C1QTNF2: variants seen among roughly 807,000 people sequenced by gnomAD.
C1QTNF2 encodes C1q and TNF related 2.
A neutral mutation model predicts 17.4 loss-of-function variants in C1QTNF2; 15 were observed. The observed-to-expected ratio is 0.86, with a 90% CI of 0.58 to 1.33. The LOEUF (loss-of-function observed/expected upper bound fraction) is 1.33, where lower values mean the gene tolerates loss of function less well. C1QTNF2 is among the 40% of genes most tolerant of loss of function. The probability of loss-of-function intolerance (pLI) is 0.00; values close to 1 mark genes in which losing one functional copy is unlikely to be tolerated. For missense variants in C1QTNF2, 381 were observed against 392.3 expected, an observed-to-expected ratio of 0.97 and a Z score of 0.24; for synonymous variants, 154 against 163.3, an observed-to-expected ratio of 0.94 and a Z score of 0.44.
At chr5:160,368,699 C>G (rs1243099796) in intron 1 of C1QTNF2, among the ~76,000 whole-genome samples, 2 of 152,036 alleles carry the variant, frequency 1.3e-5, no homozygotes, top group Non-Finnish European at 2.9e-5. Flanking sequence ...TCTGTTACCC[C>G]ACAGTGAACA....
chr5:160,357,351 A>T lies in C1QTNF2; in HGVS notation c.-9-2331T>A, dbSNP rs77803023. The stretch of plus-strand genomic sequence containing the variant: ...TAGGGAGGGGTAGGCAAAAATAAGG[A>T]TGCAGTTTGATTGTATTTCTGATGT... On this transcript the variant is annotated intron_variant, in intron 1 of 2. Transcript: ENST00000652664. Among the ~76,000 whole-genome samples, 39 of 152,310 alleles carry T rather than the reference A, an allele frequency of 2.6e-4. 2 individuals carry two copies. In the East Asian group the frequency reaches 7.5e-3, roughly 29 times the overall value.
In C1QTNF2 at chr5:160,357,876, A is replaced by T. The variant is rs112172474; in HGVS notation, c.-9-2856T>A. ...CCGGACGAGAGAGAGGGAGAGAGACAGGCAGAAAAGAGAGCCAGCCGGACG... is the reference window on the plus strand; with the variant it reads ...CCGGACGAGAGAGAGGGAGAGAGACTGGCAGAAAAGAGAGCCAGCCGGACG... On this transcript the variant is annotated intron_variant, in intron 1 of 2. Coordinates refer to ENST00000652664, the MANE Select transcript of C1QTNF2 (RefSeq NM_031908.6). 5.5e-4 allele frequency among the ~76,000 whole-genome samples: 82 copies of T among 149,114 alleles called. 1 individual carries two copies. Among genetic ancestry groups the T allele is most frequent in the African/African-American group, 1.8e-3 (71 of 39,762 alleles).
In C1QTNF2 at chr5:160,357,238, T is replaced by C. The variant is rs370215967; in HGVS notation, c.-9-2218A>G. On this transcript the variant is annotated intron_variant, in intron 1 of 2. Transcript: ENST00000652664. ...TGGGGGAGCAGGAAGAAATCTCACC[T>C]TCGAATGGAAATTGAGGTGTGGGTT... Among the ~76,000 whole-genome samples the C allele has an allele frequency of 5.9e-5, 9 of 152,292 alleles. No homozygotes were observed. The East Asian group carries it at 1.2e-3, about 20-fold the overall frequency.
Position 160,348,167 on chromosome 5 carries a change from G to A in C1QTNF2, c.*1001C>T, listed in dbSNP as rs1039268896. ...CGTGGGATCCATTCCTGCCATCTCA[G>A]AGCAGCGGTTCTCAGATGCACGTGC... On this transcript the variant is annotated 3_prime_UTR_variant, in exon 3 of 3. Coordinates refer to ENST00000652664, the MANE Select transcript of C1QTNF2 (RefSeq NM_031908.6). 2.4e-4 allele frequency: 37 copies of A among 152,342 alleles called. No individual in the cohort carries two copies. Among genetic ancestry groups the A allele is most frequent in the African/African-American group, 8.7e-4 (36 of 41,564 alleles). 9.4% of individuals were successfully genotyped at this position (152,342 alleles called of 1,614,324 possible). A position where few individuals can be genotyped will look rare whatever the true frequency, so the allele number is the denominator to read the frequency against.
chr5:160,368,795 CAG>C (rs143448926), intron 1 of C1QTNF2, among the ~76,000 whole-genome samples: 1,604 of 152,040 alleles, frequency 0.011, 34 homozygotes, highest in African/African-American at 0.037. Context: ...AATAGCGAGA[CAG>C]GGGGGAGGAA....
In C1QTNF2 at chr5:160,349,826, T is replaced by C. The variant is rs1471111891; in HGVS notation, c.245-45A>G. 6.7e-7 allele frequency: 1 copy of C among 1,501,756 alleles called. No homozygotes were observed. Among genetic ancestry groups the C allele is most frequent in the East Asian group, 2.3e-5 (1 of 43,950 alleles). 93.0% of individuals were successfully genotyped at this position (1,501,756 alleles called of 1,614,324 possible). On this transcript the variant is annotated intron_variant, in intron 2 of 2. Transcript: ENST00000652664. The surrounding 1 kb of genome is among the most constrained non-coding windows in gnomAD (Gnocchi z 4.3). ...GTGTTATGGAGGGTCCTCACAGACC[T>C]AGGCAGAGGGGTGCGGTGCGGCTTG...
intron 2 of C1QTNF2, among the ~76,000 whole-genome samples, chr5:160,350,008 A>G (rs1015425447): frequency 2.0e-5 from 3 of 152,226 alleles, no homozygotes. Flanking sequence ...GGCAAAAAGA[A>G]TAACTTGTAA....
intron 2 of C1QTNF2, among the ~76,000 whole-genome samples, chr5:160,351,211 A>C (rs1432837834): frequency 6.6e-6 from 1 of 152,198 alleles, no homozygotes. Flanking sequence ...TGTTTCATAA[A>C]ATGCACATTT....
rs190881412 is a variant in C1QTNF2, at chr5:160,362,461, C to G, written c.-9-7441G>C. 3.3e-5 allele frequency among the ~76,000 whole-genome samples: 5 copies of G among 152,354 alleles called. No individual in the cohort carries two copies. The East Asian group carries it at 9.6e-4, about 29-fold the overall frequency. ...ACCCCAAACACTTCTGCCCAACTCT[C>G]TCTTGAGAATGCCCACAGCCCCCTC... On this transcript the variant is annotated intron_variant, in intron 1 of 2. Coordinates refer to ENST00000652664, the MANE Select transcript of C1QTNF2 (RefSeq NM_031908.6).
intron 2 of C1QTNF2, among the ~76,000 whole-genome samples, chr5:160,350,462 G>A (rs1763896670): frequency 6.6e-6 from 1 of 152,164 alleles, no homozygotes; most frequent in Admixed American, 6.5e-5. Flanking sequence ...CCAGCACTTT[G>A]GGAAGCTGGG....
Position 160,360,857 on chromosome 5 carries a change from C to T in C1QTNF2, c.-9-5837G>A, listed in dbSNP as rs191450822. 3.4e-3 allele frequency among the ~76,000 whole-genome samples: 507 copies of T among 149,656 alleles called. 5 individuals are homozygous for T. The highest frequency in any genetic ancestry group is 0.011 in the African/African-American group (462 of 40,448). ...GCTGCCAGGCTGGAGTGCAGTGGCG[C>T]AATCTCAGCTCACTGCAACCTCCAT... is the stretch of plus-strand genomic sequence containing the variant. On this transcript the variant is annotated intron_variant, in intron 1 of 2. Coordinates refer to ENST00000652664, the MANE Select transcript of C1QTNF2 (RefSeq NM_031908.6).
chr5:160,368,226 T>C (rs1581042354), intron 1 of C1QTNF2, among the ~76,000 whole-genome samples: 1 of 152,266 alleles, frequency 6.6e-6, no homozygotes, highest in East Asian at 1.9e-4. Context: ...TGGCACATAA[T>C]TCCTTTCAAA....
intron 1 of C1QTNF2, among the ~76,000 whole-genome samples, chr5:160,366,963 G>A (rs1012548106): frequency 1.4e-5 from 2 of 147,536 alleles, no homozygotes; most frequent in Admixed American, 6.8e-5. Context: ...GGCAGAGGCT[G>A]CAGTGAACAG....
At chr5:160,354,682 C>T in intron 2 of C1QTNF2, 86 bp downstream of exon 2, 2 of 1,384,242 alleles carry the variant, frequency 1.4e-6, no homozygotes, top group South Asian at 1.3e-5. Context: ...AGGATTAATA[C>T]TAGTTTTATT....
intron 1 of C1QTNF2, among the ~76,000 whole-genome samples, chr5:160,361,025 A>G (rs955570673): frequency 3.3e-5 from 5 of 151,898 alleles, no homozygotes; most frequent in African/African-American, 1.2e-4. Context: ...CGAACTCCTG[A>G]CCTCGTTATC....
At chr5:160,358,542 C>T (rs1300773087) in intron 1 of C1QTNF2, among the ~76,000 whole-genome samples, 1 of 150,930 alleles carries the variant, frequency 6.6e-6, no homozygotes, top group Non-Finnish European at 1.5e-5. Context: ...GAGCTTACTA[C>T]AGCCTTGAAC....
rs895055702 is a variant in C1QTNF2, at chr5:160,349,049, G to A, written c.*119C>T. The A allele has an allele frequency of 3.4e-5, 43 of 1,254,460 alleles. No homozygotes were observed. The highest frequency in any genetic ancestry group is 4.8e-5 in the Admixed American group (2 of 41,994). The allele number at this position is 1,254,460 out of a possible 1,614,324, so 77.7% of individuals were successfully genotyped here. On this transcript the variant is annotated 3_prime_UTR_variant, in exon 3 of 3. Transcript: ENST00000652664. This position sits in a 1 kb window ranked among gnomAD's most constrained non-coding sequence, Gnocchi z 4.3. ...GGGGAAAAAAAGAGGCAGAGGAGGT[G>A]AGCCTGAGGCTAGAACCGCTCACTC...
chr5:160,360,375 A>G (rs1417342048), intron 1 of C1QTNF2, among the ~76,000 whole-genome samples: 1 of 152,180 alleles, frequency 6.6e-6, no homozygotes, highest in East Asian at 1.9e-4. Context: ...CGAAGAGAAA[A>G]CCAGACAGTG....
chr5:160,366,449 A>G (rs899050182), intron 1 of C1QTNF2, among the ~76,000 whole-genome samples: 7 of 152,166 alleles, frequency 4.6e-5, no homozygotes, highest in Non-Finnish European at 8.8e-5. Flanking sequence ...AGGTTGCCAC[A>G]CTCATGAGAA....
Sources: gnomAD v4.1 joint callset for allele counts (sites outside exome capture counted in the v4.1 genomes callset) on GRCh38, gnomAD v4.1.1 for gene constraint, Gnocchi (gnomAD v3.1) non-coding constraint, MANE v1.5 for transcripts, NCBI Gene and HGNC (gene_info 2026-07-23, HGNC 2026-07-21) for gene names.